FLNB: variants seen among roughly 807,000 people sequenced by gnomAD.
FLNB encodes filamin B, also known as filamin-B.
FLNB carries 111 observed loss-of-function variants against 250.6 expected under a neutral mutation model. That is an observed-to-expected ratio of 0.44 (90% CI 0.38 to 0.52). FLNB has a LOEUF of 0.52. Ranked by LOEUF, FLNB falls within the 20% of genes least tolerant of loss-of-function variation. FLNB has a pLI of 0.00. For missense variants in FLNB, 2,869 were observed against 3,447.8 expected (o/e 0.83, Z 4.20); for synonymous variants, 1,302 against 1,372.1 (o/e 0.95, Z 1.13).
intron 32 of FLNB, among the ~76,000 whole-genome samples, chr3:58,145,380 G>T (rs1218896957): frequency 2.0e-5 from 3 of 152,152 alleles, no homozygotes; most frequent in African/African-American, 7.2e-5. Flanking sequence ...AATGGCCCAT[G>T]AGTAGATCAG....
chr3:58,036,001 C>G (rs2097137618), intron 1 of FLNB, among the ~76,000 whole-genome samples: 1 of 152,148 alleles, frequency 6.6e-6, no homozygotes, highest in African/African-American at 2.4e-5. Context: ...GTTTTGGACC[C>G]ATACATTTAA....
At chr3:58,025,054 T>C (rs1175528526) in intron 1 of FLNB, among the ~76,000 whole-genome samples, 10 of 142,312 alleles carry the variant, frequency 7.0e-5, no homozygotes, top group African/African-American at 2.3e-4. Flanking sequence ...TTGCCCTCCC[T>C]CACCCTTTCT....
intron 2 of FLNB, 32 bp downstream of exon 2, chr3:58,077,326 C>G: frequency 6.2e-7 from 1 of 1,610,954 alleles, no homozygotes; most frequent in Middle Eastern, 1.7e-4. Context: ...AACCATCTGT[C>G]CAGGATGGGG....
chr3:58,147,427 A>C (rs2097337511), intron 34 of FLNB, among the ~76,000 whole-genome samples: 1 of 152,168 alleles, frequency 6.6e-6, no homozygotes, highest in Admixed American at 6.5e-5. Context: ...ATATAGGTAA[A>C]CAGATCCAGG....
chr3:58,145,826 C>A lies in FLNB; in HGVS notation c.5426-95C>A, dbSNP rs1226717471. 5.9e-6 allele frequency: 9 copies of A among 1,513,396 alleles called. No homozygotes were observed. In the South Asian group the frequency reaches 9.0e-5, roughly 15 times the overall value. The allele number at this position is 1,513,396 out of a possible 1,614,324, so 93.7% of individuals were successfully genotyped here. On this transcript the variant is annotated intron_variant, in intron 32 of 45. Transcript: ENST00000295956. ...ATGCCTCTGCTTAGGAGGCGCCAGA[C>A]CTGTAGAGAGGTGGACGTCAAGATG...
At chr3:58,041,166 C>T (rs1297177765) in intron 1 of FLNB, among the ~76,000 whole-genome samples, 2 of 152,222 alleles carry the variant, frequency 1.3e-5, no homozygotes, top group Admixed American at 1.3e-4. Context: ...GGGAACTCCA[C>T]AAACCAGATT....
intron 2 of FLNB, among the ~76,000 whole-genome samples, chr3:58,077,824 G>T (rs1012642889): frequency 3.3e-5 from 5 of 152,148 alleles, no homozygotes; most frequent in Admixed American, 6.6e-5. Context: ...TTGATGGGCT[G>T]CTCATTTCTT....
At chr3:58,150,818 C>G (rs145510634) in intron 38 of FLNB, 425 of 160,668 alleles carry the variant, frequency 2.6e-3, no homozygotes, top group African/African-American at 9.9e-3. Flanking sequence ...AATTTTGAGG[C>G]TCCTCTGCCC....
chr3:58,016,467 C>CATAT (rs200994030), intron 1 of FLNB, among the ~76,000 whole-genome samples: 24 of 148,882 alleles, frequency 1.6e-4, no homozygotes, highest in African/African-American at 5.6e-4. Context: ...GCCCCTTCCT[C>CATAT]ATATATATAT....
chr3:58,111,142 T>G (rs568273412), intron 16 of FLNB, among the ~76,000 whole-genome samples: 5 of 152,196 alleles, frequency 3.3e-5, no homozygotes, highest in Non-Finnish European at 2.9e-5. Flanking sequence ...ATGACTGTGG[T>G]CTCCACCCTT....
chr3:58,106,352 C>CTCTATATA (rs1458620421), intron 11 of FLNB, among the ~76,000 whole-genome samples: 6 of 132,988 alleles, frequency 4.5e-5, no homozygotes, highest in Non-Finnish European at 9.8e-5. Flanking sequence ...GTATTTAATA[C>CTCTATATA]TATATATATA....
chr3:58,125,713 A>T lies in FLNB; in HGVS notation c.4031A>T (p.Asn1344Ile). ...CCTGGATTGAAAGAGGCCTTTACCA[A>T]CAAGCCCAATGTCTTCACCGTGGTT... is the stretch of plus-strand genomic sequence containing the variant. ...QGPGLKEAFT[N>I]KPNVFTVVTR... is the part of the protein sequence containing the mutation. Residue 1344 changes from asparagine to isoleucine, a missense_variant, in exon 23 of 46, where the codon AAC becomes ATC. By Grantham distance (149) the Asn-to-Ile change is moderately radical (BLOSUM62 -3). Transcript: ENST00000295956. The T allele has an allele frequency of 1.9e-6, 3 of 1,614,152 alleles. No individual in the cohort carries two copies. The highest frequency in any genetic ancestry group is 2.5e-6 in the Non-Finnish European group (3 of 1,180,034).
Position 58,098,505 on chromosome 3 carries a change from A to AT in FLNB, c.1148-198dup, listed in dbSNP as rs556007049. Among the ~76,000 whole-genome samples the AT allele has an allele frequency of 4.9e-3, 749 of 151,806 alleles. 2 individuals carry two copies. Among genetic ancestry groups the AT allele is most frequent in the Non-Finnish European group, 9.0e-3 (611 of 67,908 alleles). On this transcript the variant is annotated intron_variant, in intron 7 of 45. Coordinates refer to ENST00000295956, the MANE Select transcript of FLNB (RefSeq NM_001457.4). ...GCCACCATGCTTGGCTAATTTTTGT[A>AT]TTTTTTTTAGTAGAGACGGATTTCA...
intron 1 of FLNB, among the ~76,000 whole-genome samples, chr3:58,048,479 T>A (rs1279073762): frequency 6.6e-6 from 1 of 152,212 alleles, no homozygotes; most frequent in Non-Finnish European, 1.5e-5. Flanking sequence ...TCAAGTTGAA[T>A]ATTTTTGGCT....
At chr3:58,099,834 A>T (rs1220918928) in intron 8 of FLNB, among the ~76,000 whole-genome samples, 1 of 152,148 alleles carries the variant, frequency 6.6e-6, no homozygotes, top group African/African-American at 2.4e-5. Context: ...AACTCTGTGC[A>T]GGTGTTATTA....
At chr3:58,087,276 T>A (rs1311262199) in intron 4 of FLNB, among the ~76,000 whole-genome samples, 1 of 152,166 alleles carries the variant, frequency 6.6e-6, no homozygotes, top group Non-Finnish European at 1.5e-5. Context: ...TTTGCAAGTA[T>A]CTTTTAAGGA....
At chr3:58,070,049 C>CT (rs10639474) in intron 1 of FLNB, among the ~76,000 whole-genome samples, 40,498 of 134,844 alleles carry the variant, frequency 0.3, 6,773 homozygotes, top group Middle Eastern at 0.42. Flanking sequence ...CTCTTTCTTT[C>CT]TTTTTTTTTT....
chr3:58,123,380 A>G lies in FLNB; in HGVS notation c.3414A>G (p.Ala1138=). The G allele has an allele frequency of 6.2e-7, 1 of 1,614,174 alleles. No homozygotes were observed. Among genetic ancestry groups the G allele is most frequent in the Non-Finnish European group, 8.5e-7 (1 of 1,180,028 alleles). Residue 1138 remains alanine (A), a synonymous_variant, in exon 21 of 46, where the codon GCA becomes GCG. Coordinates refer to ENST00000295956, the MANE Select transcript of FLNB (RefSeq NM_001457.4). ...CCTTTGACCCCTCTAAAGTCGTGGC[A>G]TCGGGGCCAGGTCTCGAGCACGGGA... ...EMPFDPSKVV[A]SGPGLEHGKV...
At chr3:58,060,145 C>T (rs552777650) in intron 1 of FLNB, among the ~76,000 whole-genome samples, 61 of 152,146 alleles carry the variant, frequency 4.0e-4, no homozygotes, top group Non-Finnish European at 7.3e-4. Context: ...GACAAGCTCT[C>T]CTAGGGTGCA....
Sources: gnomAD v4.1 joint callset for allele counts (sites outside exome capture counted in the v4.1 genomes callset) on GRCh38, gnomAD v4.1.1 for gene constraint, MANE v1.5 for transcripts, NCBI Gene and HGNC (gene_info 2026-07-23, HGNC 2026-07-21) for gene names.